The following STPG4 variants were observed in gnomAD, a reference collection of about 807,000 sequenced individuals.
The protein encoded by STPG4 is protein STPG4.
STPG4 carries 41 observed loss-of-function variants against 31.5 expected under a neutral mutation model. The ratio of observed to expected loss-of-function variants is 1.30; its 90% CI spans 1.01 to 1.69. STPG4 has a LOEUF of 1.69. STPG4 is among the 40% of genes most tolerant of loss of function. The pLI is 0.00. For synonymous variants in STPG4, 141 were observed against 103.0 expected, an observed-to-expected ratio of 1.37 and a Z score of -2.24; for missense variants, 375 against 293.4, an observed-to-expected ratio of 1.28 and a Z score of -2.03.
At chr2:47,125,499 G>C (rs1435284150) in intron 5 of STPG4, among the ~76,000 whole-genome samples, 1 of 152,188 alleles carries the variant, frequency 6.6e-6, no homozygotes, top group Non-Finnish European at 1.5e-5. Flanking sequence ...CAGACGGATA[G>C]TTTGCAAATA....
chr2:47,089,828 C>T (rs778745862), intron 6 of STPG4, among the ~76,000 whole-genome samples: 1 of 152,134 alleles, frequency 6.6e-6, no homozygotes, highest in Non-Finnish European at 1.5e-5. Flanking sequence ...GGGGTGATCG[C>T]TAATGCCTTA....
At chr2:47,143,420 C>T (rs1056943372) in intron 3 of STPG4, among the ~76,000 whole-genome samples, 1 of 150,652 alleles carries the variant, frequency 6.6e-6, no homozygotes. Context: ...TAGTTGAAGC[C>T]AAGCATCACT....
chr2:47,126,247 T>C (rs1374632562), intron 5 of STPG4, among the ~76,000 whole-genome samples: 1 of 152,116 alleles, frequency 6.6e-6, no homozygotes, highest in Non-Finnish European at 1.5e-5. Context: ...TTCTTTCTTC[T>C]TTCTTTCCTT....
chr2:47,115,853 C>G (rs1196547486), intron 5 of STPG4, among the ~76,000 whole-genome samples: 1 of 152,056 alleles, frequency 6.6e-6, no homozygotes, highest in Non-Finnish European at 1.5e-5. Context: ...AGGGTTTCAC[C>G]GTGTTCCCCA....
At chr2:47,147,344 G>T (rs1686844270) in intron 3 of STPG4, among the ~76,000 whole-genome samples, 1 of 152,178 alleles carries the variant, frequency 6.6e-6, no homozygotes, top group Non-Finnish European at 1.5e-5. Flanking sequence ...AGGGGCAAGG[G>T]AATTGACAGT....
intron 5 of STPG4, among the ~76,000 whole-genome samples, chr2:47,121,841 T>C (rs1686276805): frequency 8.3e-6 from 1 of 120,998 alleles, no homozygotes; most frequent in Non-Finnish European, 1.7e-5. Flanking sequence ...TGAATTGCCC[T>C]CTCCTCGTGT....
At chr2:47,093,854 T>TG (rs1685620922) in intron 5 of STPG4, among the ~76,000 whole-genome samples, 1 of 152,226 alleles carries the variant, frequency 6.6e-6, no homozygotes, top group Non-Finnish European at 1.5e-5. Flanking sequence ...ACAGGCATGC[T>TG]GCGGCAAAGC....
chr2:47,112,871 C>T (rs891450161), intron 5 of STPG4, among the ~76,000 whole-genome samples: 2 of 151,822 alleles, frequency 1.3e-5, no homozygotes, highest in Admixed American at 6.6e-5. Context: ...ATGACACACA[C>T]CTATTAGTTA....
Position 47,090,310 on chromosome 2 carries a change from C to G in STPG4, c.584G>C (p.Cys195Ser). Residue 195 changes from cysteine to serine, a missense_variant, in exon 6 of 7, where the codon TGT becomes TCT. Coordinates refer to ENST00000445927, the MANE Select transcript of STPG4 (RefSeq NM_001163561.2). ...KMPPTSSVTSCFQSRVPRFLP... is the reference protein window; with the variant it reads ...KMPPTSSVTSSFQSRVPRFLP... ...GAATCGAGGGACTCTGGATTGAAAACAAGAAGTGACAGAGCTTGTTGGAGG... is the reference window on the plus strand; with the variant it reads ...GAATCGAGGGACTCTGGATTGAAAAGAAGAAGTGACAGAGCTTGTTGGAGG... 6.4e-7 allele frequency: 1 copy of G among 1,551,944 alleles called. No individual in the cohort carries two copies. The highest frequency in any genetic ancestry group is 8.7e-7 in the Non-Finnish European group (1 of 1,147,028).
At chr2:47,090,636 C>T (rs993042473) in intron 5 of STPG4, among the ~76,000 whole-genome samples, 1 of 152,162 alleles carries the variant, frequency 6.6e-6, no homozygotes, top group Non-Finnish European at 1.5e-5. Flanking sequence ...TTCTCCCTGC[C>T]AGGGTCCCTG....
At chr2:47,127,169 T>A (rs1484708997) in intron 5 of STPG4, among the ~76,000 whole-genome samples, 2 of 151,914 alleles carry the variant, frequency 1.3e-5, no homozygotes, top group Non-Finnish European at 2.9e-5. Flanking sequence ...GAGGCTATTT[T>A]ATAGATTTTG....
chr2:47,152,922 TA>T, intron 2 of STPG4, 34 bp downstream of exon 2: 1 of 1,416,736 alleles, frequency 7.1e-7, no homozygotes, highest in Non-Finnish European at 9.8e-7. Flanking sequence ...GGAATAGGAA[TA>T]ATGTGAATAG....
rs1457911930 is a variant in STPG4, at chr2:47,151,319, G to A, written c.338C>T (p.Ala113Val). 6.2e-7 allele frequency: 1 copy of A among 1,614,064 alleles called. No homozygotes were observed. The highest frequency in any genetic ancestry group is 1.3e-5 in the African/African-American group (1 of 74,904). The part of the protein sequence containing the change: ...DFLDLLKKQV[A>V]TYSFKDKPRP... Reference sequence around the variant, plus strand: ...TGGTTTGTCTTTGAATGAGTAAGTAGCCACTTGCTTCTTTAACAGGTCCAG... The same window carrying A: ...TGGTTTGTCTTTGAATGAGTAAGTAACCACTTGCTTCTTTAACAGGTCCAG... The change falls in exon 3 of 7, where the codon GCT becomes GTT. Residue 113 changes from alanine to valine, a missense_variant. Ala to Val is a moderately conservative substitution (Grantham distance 64). Transcript: ENST00000445927.
chr2:47,152,941 T>C lies in STPG4; in HGVS notation c.141+16A>G. 1 of 1,567,762 alleles carries C rather than the reference T, an allele frequency of 6.4e-7. No homozygotes were observed. The highest frequency in any genetic ancestry group is 1.4e-5 in the African/African-American group (1 of 73,854). Reference sequence around the variant, plus strand: ...TAGGAATAATGTGAATAGGAAAGACTGAACAATGTACATACTGTTAATGCT... The same window carrying C: ...TAGGAATAATGTGAATAGGAAAGACCGAACAATGTACATACTGTTAATGCT... On this transcript the variant is annotated intron_variant, in intron 2 of 6. Transcript: ENST00000445927.
chr2:47,131,366 A>G lies in STPG4; in HGVS notation c.400-1106T>C, dbSNP rs905890466. ...GGTCTCAAACACCTGAGCTCAAGCA[A>G]TCCACCCAGTTTGGCCTCCCAAAGT... On this transcript the variant is annotated intron_variant, in intron 3 of 6. Coordinates refer to ENST00000445927, the MANE Select transcript of STPG4 (RefSeq NM_001163561.2). Among the ~76,000 whole-genome samples the G allele has an allele frequency of 1.8e-4, 28 of 152,088 alleles. 1 individual carries two copies. The highest frequency in any genetic ancestry group is 9.8e-4 in the Admixed American group (15 of 15,272).
chr2:47,100,834 A>G (rs150101984), intron 5 of STPG4, among the ~76,000 whole-genome samples: 8,300 of 151,426 alleles, frequency 0.055, 409 homozygotes, highest in African/African-American at 0.11. Context: ...ACGAACCCAC[A>G]AGAAGGAAGA....
intron 3 of STPG4, among the ~76,000 whole-genome samples, chr2:47,142,178 A>T (rs2103795929): frequency 6.6e-6 from 1 of 151,922 alleles, no homozygotes; most frequent in South Asian, 2.1e-4. Context: ...TCTCTCAACT[A>T]GTTCAAGGAT....
At chr2:47,152,145 A>G (rs1316058775) in intron 2 of STPG4, among the ~76,000 whole-genome samples, 1 of 152,154 alleles carries the variant, frequency 6.6e-6, no homozygotes, top group Non-Finnish European at 1.5e-5. Context: ...CTCTAGTGAG[A>G]CCACTCAGGA....
At chr2:47,100,860 C>T (rs948498055) in intron 5 of STPG4, among the ~76,000 whole-genome samples, 5 of 151,702 alleles carry the variant, frequency 3.3e-5, no homozygotes, top group Non-Finnish European at 7.4e-5. Flanking sequence ...CGAACACATC[C>T]GAACATCAGA....
Sources: gnomAD v4.1 joint callset for allele counts (sites outside exome capture counted in the v4.1 genomes callset) on GRCh38, gnomAD v4.1.1 for gene constraint, MANE v1.5 for transcripts, NCBI Gene and HGNC (gene_info 2026-07-23, HGNC 2026-07-21) for gene names.